SOX6: variants seen among roughly 807,000 people sequenced by gnomAD.
SOX6 encodes SRY-box transcription factor 6, also known as transcription factor SOX-6.
A neutral mutation model predicts 97.8 loss-of-function variants in SOX6; 11 were observed. That is an observed-to-expected ratio of 0.11 (90% CI 0.07 to 0.19). The LOEUF is 0.19. Ranked by LOEUF, SOX6 falls within the 10% of genes least tolerant of loss-of-function variation. The probability of loss-of-function intolerance (pLI) is 1.00; values close to 1 mark genes in which losing one functional copy is unlikely to be tolerated. For missense variants in SOX6, 810 were observed against 1,039.5 expected, an observed-to-expected ratio of 0.78 and a Z score of 3.04; for synonymous variants, 360 against 371.4, an observed-to-expected ratio of 0.97 and a Z score of 0.35.
chr11:16,014,619 T>C (rs1854827391), intron 13 of SOX6, among the ~76,000 whole-genome samples: 1 of 152,110 alleles, frequency 6.6e-6, no homozygotes, highest in Admixed American at 6.6e-5. Flanking sequence ...TAAATACAAA[T>C]GCAGTGAGAT....
chr11:16,435,718 A>C (rs1859362904), intron 1 of SOX6, among the ~76,000 whole-genome samples: 1 of 152,106 alleles, frequency 6.6e-6, no homozygotes. Flanking sequence ...TAATACACCT[A>C]CCAAAAAAGT....
At chr11:16,076,735 A>ATTTTTTTTTT (rs1156737950) in intron 9 of SOX6, among the ~76,000 whole-genome samples, 2 of 94,152 alleles carry the variant, frequency 2.1e-5, no homozygotes, top group Admixed American at 1.2e-4. Flanking sequence ...GGTACTACAC[A>ATTTTTTTTTT]TTTTTTTTTT....
intron 4 of SOX6, among the ~76,000 whole-genome samples, chr11:16,564,092 T>TA (rs944883991): frequency 9.9e-5 from 15 of 151,564 alleles, no homozygotes; most frequent in East Asian, 3.9e-4. Flanking sequence ...AGACCCACTC[T>TA]AAAAAAAATG....
intron 13 of SOX6, among the ~76,000 whole-genome samples, chr11:16,004,017 CAT>C (rs200734006): frequency 6.1e-4 from 92 of 150,548 alleles, no homozygotes; most frequent in African/African-American, 2.0e-3. Flanking sequence ...ATATATAATA[CAT>C]ATATATATAC....
At chr11:15,995,622 A>T (rs1854201117) in intron 13 of SOX6, among the ~76,000 whole-genome samples, 1 of 152,204 alleles carries the variant, frequency 6.6e-6, no homozygotes, top group African/African-American at 2.4e-5. Flanking sequence ...GAGAAACATC[A>T]ACTAAGAGGT....
chr11:16,553,651 C>T (rs145878587), intron 4 of SOX6, among the ~76,000 whole-genome samples: 2 of 151,704 alleles, frequency 1.3e-5, no homozygotes, highest in African/African-American at 4.8e-5. Context: ...GCATCCATCT[C>T]TCCCTGTGGA....
intron 4 of SOX6, among the ~76,000 whole-genome samples, chr11:16,521,040 C>T (rs199937791): frequency 6.6e-6 from 1 of 152,206 alleles, no homozygotes; most frequent in Non-Finnish European, 1.5e-5. Flanking sequence ...TAGGCTCCAC[C>T]TCTGGGGGCA....
At chr11:16,600,140 GC>G (rs1382873895) in intron 4 of SOX6, among the ~76,000 whole-genome samples, 1 of 152,234 alleles carries the variant, frequency 6.6e-6, no homozygotes, top group Non-Finnish European at 1.5e-5. Flanking sequence ...TCCCAGCAAT[GC>G]TCTGCTTAAG....
chr11:16,479,157 T>C (rs573680817), upstream of SOX6, among the ~76,000 whole-genome samples: 9 of 152,336 alleles, frequency 5.9e-5, no homozygotes, highest in Non-Finnish European at 1.0e-4. Flanking sequence ...ATTTGTTCCA[T>C]AATATTTAGT....
At chr11:16,236,828 A>T (rs1853038931) in intron 3 of SOX6, among the ~76,000 whole-genome samples, 1 of 152,022 alleles carries the variant, frequency 6.6e-6, no homozygotes, top group South Asian at 2.1e-4. Context: ...GAACAACAGG[A>T]ATACACACTT....
At chr11:16,640,338 C>A (rs546186184) in intron 3 of SOX6, among the ~76,000 whole-genome samples, 33 of 152,222 alleles carry the variant, frequency 2.2e-4, no homozygotes, top group Admixed American at 2.0e-3. Context: ...ATTTTTGCAT[C>A]GATGTTCATC....
chr11:16,625,855 G>T (rs572758263), intron 3 of SOX6, among the ~76,000 whole-genome samples: 1 of 152,298 alleles, frequency 6.6e-6, no homozygotes, highest in Admixed American at 6.5e-5. Context: ...TTTCTAAGTT[G>T]TATGGTTTTA....
intron 7 of SOX6, among the ~76,000 whole-genome samples, chr11:16,108,396 G>A (rs561354806): frequency 1.2e-4 from 19 of 152,180 alleles, no homozygotes; most frequent in South Asian, 4.1e-4. Flanking sequence ...GCTACTCATC[G>A]TTTCTGTTTT....
At chr11:16,547,534 G>A (rs1847635505) in intron 4 of SOX6, among the ~76,000 whole-genome samples, 1 of 152,010 alleles carries the variant, frequency 6.6e-6, no homozygotes, top group African/African-American at 2.4e-5. Context: ...AGTGAAATAG[G>A]CCAGGCACAG....
intron 3 of SOX6, among the ~76,000 whole-genome samples, chr11:16,617,103 T>G (rs533022513): frequency 1.3e-5 from 2 of 152,024 alleles, no homozygotes; most frequent in African/African-American, 4.8e-5. Flanking sequence ...TAAGTCAGTG[T>G]TCCCAAGTAT....
At chr11:16,101,812 T>C (rs988473159) in intron 7 of SOX6, among the ~76,000 whole-genome samples, 6 of 151,736 alleles carry the variant, frequency 4.0e-5, no homozygotes, top group African/African-American at 1.4e-4. Context: ...GAAAAAGCAT[T>C]TAACAAAATC....
rs547129963 is a variant in SOX6, at chr11:16,466,712, C to T, written c.-5+9603G>A. ...TTGGGAGGCCGAGGCAGGCGGATCA[C>T]GAGGTCAGGAGATCGAGACCATCCC... On this transcript the variant is annotated intron_variant, in intron 1 of 15. Transcript: ENST00000396356. Among the ~76,000 whole-genome samples the T allele has an allele frequency of 1.4e-4, 21 of 150,668 alleles. No individual in the cohort carries two copies. In the South Asian group the frequency reaches 3.1e-3, roughly 22 times the overall value.
intron 6 of SOX6, among the ~76,000 whole-genome samples, chr11:16,132,443 AAAAAG>A (rs1482500244): frequency 4.4e-5 from 4 of 91,478 alleles, no homozygotes; most frequent in African/African-American, 2.0e-4. Flanking sequence ...GAAAGAAAGA[AAAAAG>A]AAAGAAAGAA....
Position 16,125,083 on chromosome 11 carries a change from G to T in SOX6, c.778-13160C>A, listed in dbSNP as rs568014515. On this transcript the variant is annotated intron_variant, in intron 6 of 15. Transcript: ENST00000683767. ...AGAGTATCTGATTGATTCATTCATTGATTGACTGACTAAAATATGATCTTT... is the reference window on the plus strand; with the variant it reads ...AGAGTATCTGATTGATTCATTCATTTATTGACTGACTAAAATATGATCTTT... 2.0e-5 allele frequency among the ~76,000 whole-genome samples: 3 copies of T among 151,996 alleles called. No individual in the cohort carries two copies. The East Asian group carries it at 5.8e-4, about 29-fold the overall frequency.
Sources: gnomAD v4.1 joint callset for allele counts (sites outside exome capture counted in the v4.1 genomes callset) on GRCh38, gnomAD v4.1.1 for gene constraint, MANE v1.5 for transcripts, NCBI Gene and HGNC (gene_info 2026-07-23, HGNC 2026-07-21) for gene names.